Variants in ABCC11 observed in about 807,000 individuals in gnomAD.
ABCC11 encodes ATP-binding cassette sub-family C member 11.
In ABCC11, 135 loss-of-function variants were observed where a neutral mutation model predicts 149.3. The observed-to-expected ratio is 0.90, with a 90% CI of 0.79 to 1.04. The LOEUF (loss-of-function observed/expected upper bound fraction) is 1.04. Ranked by LOEUF, ABCC11 falls within the 50% of genes least tolerant of loss-of-function variation. The pLI, the probability that ABCC11 is intolerant of heterozygous loss-of-function variation, is 0.00. For missense variants in ABCC11, 1,680 were observed against 1,722.1 expected, an observed-to-expected ratio of 0.98 and a Z score of 0.43; for synonymous variants, 665 against 671.4, an observed-to-expected ratio of 0.99 and a Z score of 0.15.
At chr16:48,237,669 T>C (rs1970752985) in intron 1 of ABCC11, among the ~76,000 whole-genome samples, 2 of 152,202 alleles carry the variant, frequency 1.3e-5, no homozygotes, top group South Asian at 4.2e-4. Context: ...CCCAAACTCC[T>C]TACCAGAGCC....
At chr16:48,244,834 C>T (rs577122810) in intron 1 of ABCC11, among the ~76,000 whole-genome samples, 1 of 152,204 alleles carries the variant, frequency 6.6e-6, no homozygotes, top group Non-Finnish European at 1.5e-5. Flanking sequence ...GTGCCTGACA[C>T]CTGGTGAAAC....
At chr16:48,205,782 G>A (rs537006094) in intron 12 of ABCC11, among the ~76,000 whole-genome samples, 4 of 151,680 alleles carry the variant, frequency 2.6e-5, no homozygotes, top group Non-Finnish European at 5.9e-5. Context: ...TCCAAGGTCT[G>A]CACTAAAGAC....
intron 1 of ABCC11, among the ~76,000 whole-genome samples, chr16:48,238,189 C>G (rs1418444546): frequency 1.3e-5 from 2 of 152,180 alleles, no homozygotes; most frequent in African/African-American, 2.4e-5. Context: ...AAGGTGGGAT[C>G]CTGTCAGACA....
At chr16:48,222,536 C>G (rs1680339897) in intron 6 of ABCC11, 62 bp downstream of exon 6, 2 of 1,416,814 alleles carry the variant, frequency 1.4e-6, no homozygotes, top group Non-Finnish European at 2.0e-6. Context: ...GCCCCCAGGG[C>G]AGTTATGTCC....
Position 48,205,413 on chromosome 16 carries a change from C to T in ABCC11, c.1805G>A (p.Arg602Gln), listed in dbSNP as rs150443431. ...ILMGGAYDKARYLQVLHCCSL... is the reference protein window; with the variant it reads ...ILMGGAYDKAQYLQVLHCCSL... ...TCCCTTTCCCCTCCCAGGAGCTTAC[C>T]GGGCCTTGTCATATGCGCCTCCCAT... The change falls in exon 13 of 30, where the codon CGA (arginine) becomes CAA (glutamine). Residue 602 changes from arginine (R) to glutamine (Q), a missense_variant and splice_region_variant. Arg to Gln is a conservative substitution (Grantham distance 43). Transcript: ENST00000356608. The T allele has an allele frequency of 5.5e-5, 88 of 1,614,200 alleles. No homozygotes were observed. The East Asian group carries it at 7.1e-4, about 13-fold the overall frequency.
chr16:48,244,464 G>T (rs1161233432), intron 1 of ABCC11: 1 of 1,596,948 alleles, frequency 6.3e-7, no homozygotes, highest in Non-Finnish European at 8.5e-7. Context: ...CCTGCTGCCC[G>T]GCTCCACCAT....
intron 1 of ABCC11, 61 bp from the exon 2 acceptor site, chr16:48,232,000 T>G: frequency 6.2e-7 from 1 of 1,603,380 alleles, no homozygotes; most frequent in South Asian, 1.1e-5. Flanking sequence ...AGCTTAGATC[T>G]CGCCTTGAGC....
intron 23 of ABCC11, among the ~76,000 whole-genome samples, chr16:48,179,256 T>C (rs11861031): frequency 0.21 from 32,584 of 152,110 alleles, 4,177 homozygotes; most frequent in African/African-American, 0.35. Context: ...CTGGGAGCAC[T>C]TCCCAAATAA....
intron 2 of ABCC11, 131 bp downstream of exon 2, chr16:48,231,692 C>G: frequency 8.0e-7 from 1 of 1,255,728 alleles, no homozygotes. Context: ...AGAGAGAGAG[C>G]AAAAAGAGAA....
intron 1 of ABCC11, among the ~76,000 whole-genome samples, chr16:48,237,628 T>C (rs1228749180): frequency 6.6e-6 from 1 of 152,196 alleles, no homozygotes; most frequent in African/African-American, 2.4e-5. Context: ...ACTTGATCTC[T>C]CCCATGGCTT....
chr16:48,211,302 A>C (rs2150861679), intron 10 of ABCC11, 103 bp from the exon 11 acceptor site: 2 of 1,399,498 alleles, frequency 1.4e-6, no homozygotes, highest in Middle Eastern at 4.3e-4. Flanking sequence ...TGGTTTTGTG[A>C]ATTTCTAATA....
intron 3 of ABCC11, among the ~76,000 whole-genome samples, chr16:48,228,959 C>T (rs1970256258): frequency 6.7e-6 from 1 of 149,996 alleles, no homozygotes; most frequent in South Asian, 2.1e-4. Flanking sequence ...GAAGAAAATG[C>T]AATTCGAAAA....
chr16:48,191,021 G>A (rs1966882471), intron 20 of ABCC11, among the ~76,000 whole-genome samples: 3 of 152,196 alleles, frequency 2.0e-5, no homozygotes, highest in Admixed American at 1.3e-4. Flanking sequence ...TAGGGAGGGA[G>A]GGATGAATAG....
At chr16:48,243,615 C>A (rs1384464606) in intron 1 of ABCC11, among the ~76,000 whole-genome samples, 1 of 152,076 alleles carries the variant, frequency 6.6e-6, no homozygotes, top group Non-Finnish European at 1.5e-5. Flanking sequence ...TGGTTTTGAT[C>A]ATTGAACTAT....
Position 48,167,143 on chromosome 16 carries a change from C to A in ABCC11, c.*131G>T. ...TTCCATCCAGCAATCCCCACCCCCC[C>A]TACATTTACCCCTGCTTCCAGGAGA... On this transcript the variant is annotated 3_prime_UTR_variant, in exon 30 of 30. Coordinates refer to ENST00000356608, the MANE Select transcript of ABCC11 (RefSeq NM_001370497.1). 1 of 562,176 alleles carries A rather than the reference C, an allele frequency of 1.8e-6. No homozygotes were observed. The allele number at this position is 562,176 out of a possible 1,614,324, so 34.8% of individuals were successfully genotyped here. A position where few individuals can be genotyped will look rare whatever the true frequency, so the allele number is the denominator to read the frequency against.
chr16:48,230,306 A>G, intron 3 of ABCC11, 131 bp downstream of exon 3: 1 of 1,139,332 alleles, frequency 8.8e-7, no homozygotes, highest in Non-Finnish European at 1.2e-6. Context: ...GGTGTGCCTC[A>G]GGCTGCTCTG....
chr16:48,193,167 T>C (rs1244031099), intron 19 of ABCC11, among the ~76,000 whole-genome samples: 3 of 152,180 alleles, frequency 2.0e-5, no homozygotes, highest in Admixed American at 6.5e-5. Context: ...AATCACCCAC[T>C]TCAGTTCAGC....
intron 12 of ABCC11, among the ~76,000 whole-genome samples, chr16:48,207,634 T>C (rs1378413202): frequency 6.7e-6 from 1 of 149,290 alleles, no homozygotes; most frequent in South Asian, 2.1e-4. Flanking sequence ...ACCATTGCAC[T>C]CCTGACTGGA....
chr16:48,242,298 C>T (rs1044575694), intron 1 of ABCC11, among the ~76,000 whole-genome samples: 2 of 152,136 alleles, frequency 1.3e-5, no homozygotes, highest in African/African-American at 2.4e-5. Context: ...TGAAAAAATG[C>T]TCATCATCAG....
Sources: allele counts gnomAD v4.1 joint callset (sites outside exome capture counted in the v4.1 genomes callset), GRCh38; gene constraint gnomAD v4.1.1; transcripts MANE v1.5; gene names NCBI Gene and HGNC (gene_info 2026-07-23, HGNC 2026-07-21).